Variants in SATB2 observed in about 807,000 individuals in gnomAD.
The protein encoded by SATB2 is SATB homeobox 2.
A neutral mutation model predicts 73.4 loss-of-function variants in SATB2; 1 was observed. The ratio of observed to expected loss-of-function variants is 0.01; its 90% CI spans 0.00 to 0.06. The LOEUF (loss-of-function observed/expected upper bound fraction) is 0.06. SATB2 is among the 10% of genes least tolerant of loss of function. The pLI, the probability that SATB2 is intolerant of heterozygous loss-of-function variation, is 1.00. For missense variants in SATB2, 459 were observed against 945.8 expected (o/e 0.49, Z 6.75); for synonymous variants, 397 against 367.0 (o/e 1.08, Z -0.93).
At chr2:199,360,793 C>T (rs1029712560) in intron 6 of SATB2, among the ~76,000 whole-genome samples, 1 of 152,080 alleles carries the variant, frequency 6.6e-6, no homozygotes, top group East Asian at 1.9e-4. Context: ...CTTGCCACCC[C>T]TCCCTCAGTA....
upstream of SATB2, chr2:199,468,794 C>T (rs1692645975): frequency 1.3e-5 from 2 of 152,454 alleles, no homozygotes; most frequent in African/African-American, 4.8e-5. Flanking sequence ...TCAGGCCAAG[C>T]TCTGGCCCTG....
rs912830394 is a variant in SATB2, at chr2:199,457,703, G to C, written c.-424C>G. 1 of 155,542 alleles carries C rather than the reference G, an allele frequency of 6.4e-6. No homozygotes were observed. Among genetic ancestry groups the C allele is most frequent in the Non-Finnish European group, 1.4e-5 (1 of 70,070 alleles). The allele number at this position is 155,542 out of a possible 1,614,324, so 9.6% of individuals were successfully genotyped here. On this transcript the variant is annotated 5_prime_UTR_variant, in exon 1 of 11. Transcript: ENST00000417098. This position sits in a 1 kb window ranked among gnomAD's most constrained non-coding sequence, Gnocchi z 4.8. ...ACCTTCGGGAAGGAGACCCGTTCTG[G>C]AGAGAAAGGGCTGAGAACCCGGAGG... is the stretch of plus-strand genomic sequence containing the variant.
Position 199,376,222 on chromosome 2 carries a change from GAT to G in SATB2, c.597+4140_597+4141del, listed in dbSNP as rs144839962. ...AAATCTCACCCAAATCTAAACAACA[GAT>G]ATGAGCCCCTGTTTAACCGAAATGT... is the stretch of plus-strand genomic sequence containing the variant. On this transcript the variant is annotated intron_variant, in intron 5 of 10. Coordinates refer to ENST00000417098, the MANE Select transcript of SATB2 (RefSeq NM_001172509.2). Among the ~76,000 whole-genome samples, 167 of 152,178 alleles carry G rather than the reference GAT, an allele frequency of 1.1e-3. 1 individual carries two copies. The highest frequency in any genetic ancestry group is 4.0e-3 in the African/African-American group (165 of 41,508).
chr2:199,382,560 C>T (rs1036251507), intron 3 of SATB2, among the ~76,000 whole-genome samples: 1 of 152,070 alleles, frequency 6.6e-6, no homozygotes, highest in Non-Finnish European at 1.5e-5. Context: ...GCTTGGGCTA[C>T]GTAGAACAGC....
chr2:199,420,225 G>A (rs991099823), intron 3 of SATB2, among the ~76,000 whole-genome samples: 15 of 152,136 alleles, frequency 9.9e-5, no homozygotes, highest in Admixed American at 9.2e-4. Flanking sequence ...TATGCCACAC[G>A]AGGTTTGCGA....
chr2:199,315,909 A>C (rs555125910), intron 9 of SATB2, among the ~76,000 whole-genome samples: 1 of 152,120 alleles, frequency 6.6e-6, no homozygotes, highest in African/African-American at 2.4e-5. Context: ...CCCTCTAGGA[A>C]CTCTAATGAA....
In SATB2 at chr2:199,350,806, T is replaced by C. The variant is rs186544048; in HGVS notation, c.701-1633A>G. Among the ~76,000 whole-genome samples the C allele has an allele frequency of 1.6e-3, 247 of 152,108 alleles. 2 individuals carry two copies. Among genetic ancestry groups the C allele is most frequent in the Non-Finnish European group, 2.4e-3 (160 of 67,978 alleles). ...GGGAGGCCGAGGCTGGTGGATCACC[T>C]GAGGTCAGGAGTTTGATACCAGCCT... is the stretch of plus-strand genomic sequence containing the variant. On this transcript the variant is annotated intron_variant, in intron 6 of 10. Transcript: ENST00000417098.
At chr2:199,436,290 G>A (rs889246641) in intron 2 of SATB2, among the ~76,000 whole-genome samples, 3 of 152,092 alleles carry the variant, frequency 2.0e-5, no homozygotes, top group Non-Finnish European at 4.4e-5. Flanking sequence ...AGGGACTTAC[G>A]TTTTATAACC....
intron 10 of SATB2, among the ~76,000 whole-genome samples, chr2:199,300,599 T>C (rs1309456574): frequency 6.6e-6 from 1 of 152,112 alleles, no homozygotes; most frequent in Non-Finnish European, 1.5e-5. Context: ...ATGAAGACTT[T>C]TTGTACCGAT....
intron 7 of SATB2, among the ~76,000 whole-genome samples, chr2:199,342,403 A>G (rs914095695): frequency 6.6e-6 from 1 of 151,316 alleles, no homozygotes; most frequent in African/African-American, 2.4e-5. Flanking sequence ...AGCAGGGCTA[A>G]TCTCATCTTT....
intron 3 of SATB2, among the ~76,000 whole-genome samples, chr2:199,427,361 A>C (rs1215927290): frequency 1.3e-5 from 2 of 152,158 alleles, no homozygotes; most frequent in Non-Finnish European, 2.9e-5. Flanking sequence ...CACATCAACC[A>C]AGTGCAATTT....
At chr2:199,426,212 G>A (rs572523295) in intron 3 of SATB2, among the ~76,000 whole-genome samples, 2 of 152,270 alleles carry the variant, frequency 1.3e-5, no homozygotes, top group East Asian at 3.9e-4. Context: ...AAAAAGTAGA[G>A]AAAAGAGAGA....
intron 3 of SATB2, among the ~76,000 whole-genome samples, chr2:199,427,410 TAA>T (rs1002812065): frequency 6.7e-6 from 1 of 148,602 alleles, no homozygotes; most frequent in Admixed American, 6.7e-5. Flanking sequence ...AAGGCAACAC[TAA>T]AAAAAAAATT....
chr2:199,273,139 A>G (rs1007099171), intron 10 of SATB2, among the ~76,000 whole-genome samples: 1 of 152,198 alleles, frequency 6.6e-6, no homozygotes, highest in African/African-American at 2.4e-5. Flanking sequence ...CATCATCCAT[A>G]AAAGTAGGAT....
rs753016340 is a variant in SATB2, at chr2:199,463,977, G to C, written c.-141+859C>G. ...TGGGCCCACGCCGGTCTTGAACCAA[G>C]CGGAGAGGGCGAAAAAGCCCGCTGC... On this transcript the variant is annotated intron_variant, in intron 1 of 11. Coordinates refer to the SATB2 transcript ENST00000260926. This position sits in a 1 kb window ranked among gnomAD's most constrained non-coding sequence, Gnocchi z 6.4. 6.6e-6 allele frequency among the ~76,000 whole-genome samples: 1 copy of C among 152,158 alleles called. No individual in the cohort carries two copies. Among genetic ancestry groups the C allele is most frequent in the Non-Finnish European group, 1.5e-5 (1 of 68,036 alleles).
intron 3 of SATB2, chr2:199,397,520 A>G (rs1690336468): frequency 6.5e-6 from 1 of 154,618 alleles, no homozygotes; most frequent in Admixed American, 6.5e-5. Context: ...ATTTTTTAAA[A>G]TAGACTTACT....
chr2:199,315,675 A>G (rs561054875), intron 9 of SATB2, among the ~76,000 whole-genome samples: 23 of 152,212 alleles, frequency 1.5e-4, no homozygotes, highest in African/African-American at 5.3e-4. Context: ...TTTTTACAAT[A>G]TTTCAGAACA....
intron 9 of SATB2, among the ~76,000 whole-genome samples, chr2:199,312,022 G>T (rs1687611957): frequency 6.7e-6 from 1 of 150,012 alleles, no homozygotes; most frequent in Admixed American, 6.7e-5. Flanking sequence ...TGCCATCCAA[G>T]AAAGTTTTGC....
upstream of SATB2, chr2:199,459,567 G>C (rs1009754039): frequency 1.3e-5 from 2 of 152,740 alleles, no homozygotes; most frequent in African/African-American, 4.8e-5. The surrounding 1 kb of genome is among the most constrained non-coding windows in gnomAD (Gnocchi z 4.2). Context: ...CCGGCCCTGA[G>C]GCCAGAGAAT....
Sources: gnomAD v4.1 joint callset for allele counts (sites outside exome capture counted in the v4.1 genomes callset) on GRCh38, gnomAD v4.1.1 for gene constraint, Gnocchi (gnomAD v3.1) non-coding constraint, MANE v1.5 for transcripts, NCBI Gene and HGNC (gene_info 2026-07-23, HGNC 2026-07-21) for gene names.